HPGDS: variants seen among roughly 807,000 people sequenced by gnomAD.
HPGDS encodes the protein hematopoietic prostaglandin D synthase, also known as GST class-sigma.
Under a neutral mutation model 23.1 loss-of-function variants are expected in HPGDS, and 26 were observed. The ratio of observed to expected loss-of-function variants is 1.13; its 90% CI spans 0.83 to 1.56. HPGDS has a LOEUF of 1.56. Ranked by LOEUF, HPGDS falls within the 40% of genes most tolerant of loss-of-function variation. The pLI is 0.00. For missense variants in HPGDS, 268 were observed against 236.4 expected (o/e 1.13, Z -0.88); for synonymous variants, 95 against 77.9 (o/e 1.22, Z -1.16).
chr4:94,340,674 T>C (rs1226055998), intron 1 of HPGDS, among the ~76,000 whole-genome samples: 1 of 104,870 alleles, frequency 9.5e-6, no homozygotes, highest in Non-Finnish European at 1.9e-5. Flanking sequence ...TTTTTTTTTT[T>C]TGAGACGGAG....
chr4:94,299,381 G>A lies in HPGDS; in HGVS notation c.*99C>T. On this transcript the variant is annotated 3_prime_UTR_variant, in exon 6 of 6. Transcript: ENST00000295256. ...AAAGTGAAAATCTTAGTGGAGCTGG[G>A]GAGGGAGCATGTGGATTATCTGGCA... 1.0e-6 allele frequency: 1 copy of A among 993,330 alleles called. No homozygotes were observed. Among genetic ancestry groups the A allele is most frequent in the Non-Finnish European group, 1.4e-6 (1 of 691,964 alleles). The allele number at this position is 993,330 out of a possible 1,614,324, so 61.5% of individuals were successfully genotyped here. A position where few individuals can be genotyped will look rare whatever the true frequency, so the allele number is the denominator to read the frequency against.
chr4:94,299,743 A>G (rs1389171535), intron 5 of HPGDS, 99 bp from the exon 6 acceptor site: 2 of 1,114,286 alleles, frequency 1.8e-6, no homozygotes, highest in Non-Finnish European at 1.3e-6. Flanking sequence ...AAGATTCAAA[A>G]CAATCTTGTT....
chr4:94,326,845 G>T (rs1756639878), intron 2 of HPGDS, among the ~76,000 whole-genome samples: 1 of 152,038 alleles, frequency 6.6e-6, no homozygotes, highest in African/African-American at 2.4e-5. Context: ...CAGTTTTATG[G>T]ATTGATTTTT....
At chr4:94,312,710 C>T (rs539760758) in intron 3 of HPGDS, among the ~76,000 whole-genome samples, 38 of 152,202 alleles carry the variant, frequency 2.5e-4, no homozygotes, top group Non-Finnish European at 4.6e-4. Flanking sequence ...CTTTCTGTCT[C>T]ATTGATCTGT....
At chr4:94,333,753 A>G (rs1756775165) in intron 2 of HPGDS, among the ~76,000 whole-genome samples, 1 of 152,234 alleles carries the variant, frequency 6.6e-6, no homozygotes, top group African/African-American at 2.4e-5. Context: ...TATATTTCAA[A>G]GCTAACAGGC....
chr4:94,330,813 A>G (rs1756721235), intron 2 of HPGDS, among the ~76,000 whole-genome samples: 1 of 152,198 alleles, frequency 6.6e-6, no homozygotes. Flanking sequence ...TTGTCTCTGA[A>G]TATTTCTTTT....
chr4:94,328,289 T>C (rs2126044098), intron 2 of HPGDS, among the ~76,000 whole-genome samples: 1 of 152,364 alleles, frequency 6.6e-6, no homozygotes, highest in African/African-American at 2.4e-5. Flanking sequence ...GATGTGTGGT[T>C]ATCTACTTGC....
At chr4:94,340,315 T>TTCTTTTCTTTC (rs1560598057) in intron 1 of HPGDS, among the ~76,000 whole-genome samples, 3 of 10,074 alleles carry the variant, frequency 3.0e-4, no homozygotes, top group African/African-American at 9.9e-4. Context: ...CTTTCTCTTT[T>TTCTTTTCTTTC]TTTTTTTTTT....
At chr4:94,334,407 G>A (rs373825739) in intron 2 of HPGDS, 90 bp downstream of exon 2, 50 of 1,272,470 alleles carry the variant, frequency 3.9e-5, no homozygotes, top group African/African-American at 3.9e-4. Flanking sequence ...CATGAGCTTC[G>A]AAAACCTTGA....
At chr4:94,326,144 A>AAACTTGAC (rs1756627967) in intron 2 of HPGDS, among the ~76,000 whole-genome samples, 2 of 152,198 alleles carry the variant, frequency 1.3e-5, no homozygotes, top group South Asian at 4.1e-4. Flanking sequence ...GGACAAAGTC[A>AAACTTGAC]AACTTGACAA....
At chr4:94,322,732 T>A (rs1291158486) in intron 2 of HPGDS, among the ~76,000 whole-genome samples, 3 of 151,828 alleles carry the variant, frequency 2.0e-5, no homozygotes, top group African/African-American at 7.3e-5. Context: ...TTCGCTGATT[T>A]TTTGAAGGGT....
chr4:94,336,421 C>G (rs1164147818), intron 1 of HPGDS, among the ~76,000 whole-genome samples: 1 of 152,024 alleles, frequency 6.6e-6, no homozygotes, highest in African/African-American at 2.4e-5. Context: ...TTTTTTCTGG[C>G]CCTGGCTTCT....
intron 3 of HPGDS, among the ~76,000 whole-genome samples, chr4:94,314,457 A>G (rs1207157003): frequency 6.6e-6 from 1 of 152,178 alleles, no homozygotes; most frequent in Non-Finnish European, 1.5e-5. Context: ...AACAGCAAAT[A>G]TTGGTGAACC....
At chr4:94,304,651 G>A (rs990783724) in intron 4 of HPGDS, among the ~76,000 whole-genome samples, 2 of 151,998 alleles carry the variant, frequency 1.3e-5, no homozygotes, top group African/African-American at 2.4e-5. Context: ...GCCAAGTCCT[G>A]CTTGTTAATT....
At chr4:94,301,183 CAG>C (rs1166234420) in intron 5 of HPGDS, among the ~76,000 whole-genome samples, 1 of 152,126 alleles carries the variant, frequency 6.6e-6, no homozygotes, top group Non-Finnish European at 1.5e-5. Flanking sequence ...GGGCAGACAG[CAG>C]AGTGTCAGCA....
chr4:94,332,671 C>T (rs952775598), intron 2 of HPGDS, among the ~76,000 whole-genome samples: 1 of 152,264 alleles, frequency 6.6e-6, no homozygotes, highest in Non-Finnish European at 1.5e-5. Context: ...GGCACCCCAT[C>T]ACAAGTCCGA....
chr4:94,330,775 T>C (rs1756720066), intron 2 of HPGDS, among the ~76,000 whole-genome samples: 1 of 152,208 alleles, frequency 6.6e-6, no homozygotes, highest in African/African-American at 2.4e-5. Flanking sequence ...GATGTGTTTG[T>C]ATCATAGTTT....
chr4:94,310,315 T>A, intron 3 of HPGDS, among the ~76,000 whole-genome samples: 1 of 152,168 alleles, frequency 6.6e-6, no homozygotes, highest in Non-Finnish European at 1.5e-5. Flanking sequence ...GTATAAGGTG[T>A]AAGGAAGGGA....
intron 5 of HPGDS, among the ~76,000 whole-genome samples, chr4:94,301,289 A>G (rs1430960312): frequency 2.0e-5 from 3 of 152,128 alleles, no homozygotes; most frequent in African/African-American, 7.2e-5. Flanking sequence ...TTAGATTTGA[A>G]TTTTTTGGCA....
Sources: gnomAD v4.1 joint callset for allele counts (sites outside exome capture counted in the v4.1 genomes callset) on GRCh38, gnomAD v4.1.1 for gene constraint, MANE v1.5 for transcripts, NCBI Gene and HGNC (gene_info 2026-07-23, HGNC 2026-07-21) for gene names.